The following TMC7 variants were observed in gnomAD, a reference collection of about 807,000 sequenced individuals.
The protein encoded by TMC7 is transmembrane channel-like protein 7.
Under a neutral mutation model 82.9 loss-of-function variants are expected in TMC7, and 54 were observed. The ratio of observed to expected loss-of-function variants is 0.65; its 90% CI spans 0.52 to 0.82. The LOEUF (loss-of-function observed/expected upper bound fraction) is 0.82, where lower values mean the gene tolerates loss of function less well. TMC7 is among the 40% of genes least tolerant of loss of function. TMC7 has a pLI of 0.00. For missense variants in TMC7, 820 were observed against 901.2 expected, an observed-to-expected ratio of 0.91 and a Z score of 1.15; for synonymous variants, 350 against 337.9, an observed-to-expected ratio of 1.04 and a Z score of -0.39.
intron 1 of TMC7, among the ~76,000 whole-genome samples, chr16:18,996,675 G>A (rs577998284): frequency 2.6e-5 from 4 of 152,294 alleles, no homozygotes; most frequent in East Asian, 1.9e-4. Context: ...AGTGAAGGAC[G>A]TTAGTTTAAA....
At position 19,045,016 on chromosome 16, in the gene TMC7, G is replaced by A. The variant is rs369960855; in HGVS notation, c.1455+15G>A. 52 of 1,596,950 alleles carry A rather than the reference G, an allele frequency of 3.3e-5. No homozygotes were observed. The highest frequency in any genetic ancestry group is 1.4e-4 in the South Asian group (13 of 90,762). On this transcript the variant is annotated intron_variant, in intron 10 of 15. Coordinates refer to ENST00000304381, the MANE Select transcript of TMC7 (RefSeq NM_024847.4). The stretch of plus-strand genomic sequence containing the variant: ...AACTCTACCCGGTGAGTTGCGGGGC[G>A]GGGGCGTTCGGCTGGGTGGGTCCTT...
In TMC7 at chr16:19,056,563, TGGGCC is replaced by T; in HGVS notation, c.1895_1899del (p.Gly632ValfsTer73). 6.2e-7 allele frequency: 1 copy of T among 1,614,104 alleles called. No individual in the cohort carries two copies. Among genetic ancestry groups the T allele is most frequent in the South Asian group, 1.1e-5 (1 of 91,072 alleles). On this transcript the variant is annotated frameshift_variant, in exon 14 of 16. Coordinates refer to ENST00000304381, the MANE Select transcript of TMC7 (RefSeq NM_024847.4). LOFTEE classifies it high-confidence loss of function. ...GCAGCATCCCTTCCTCGAAAGCCTGTGGGCCGTTCACCAACTTCAACACCACCTGG... is the reference window on the plus strand; with the variant it reads ...GCAGCATCCCTTCCTCGAAAGCCTGTGTTCACCAACTTCAACACCACCTGG...
intron 6 of TMC7, 121 bp from the exon 7 acceptor site, chr16:19,035,555 C>T: frequency 8.6e-7 from 1 of 1,159,102 alleles, no homozygotes; most frequent in African/African-American, 1.5e-5. Flanking sequence ...CAAACTTGAC[C>T]ATGTCACAAT....
chr16:19,017,338 A>G (rs1022358004), intron 3 of TMC7, among the ~76,000 whole-genome samples: 2 of 149,548 alleles, frequency 1.3e-5, no homozygotes, highest in Non-Finnish European at 3.0e-5. Context: ...TAAATTATTT[A>G]ATAATTTAAT....
At chr16:18,997,528 C>A (rs2039064428) in intron 1 of TMC7, among the ~76,000 whole-genome samples, 1 of 151,948 alleles carries the variant, frequency 6.6e-6, no homozygotes, top group Admixed American at 6.6e-5. Flanking sequence ...CACCACCACA[C>A]CCAGCTAATT....
At chr16:19,022,907 C>T (rs1260631057) in intron 4 of TMC7, among the ~76,000 whole-genome samples, 1 of 152,100 alleles carries the variant, frequency 6.6e-6, no homozygotes, top group Non-Finnish European at 1.5e-5. Context: ...ATGATCCCAG[C>T]TACTTGGGAG....
intron 13 of TMC7, among the ~76,000 whole-genome samples, chr16:19,054,070 T>C (rs1411402666): frequency 1.3e-5 from 2 of 152,136 alleles, no homozygotes; most frequent in Admixed American, 6.6e-5. Context: ...TTAAACAACA[T>C]TTAGGTTGTT....
rs778382209 is a variant in TMC7 at position 19,035,725 on chromosome 16, C to G, written c.907C>G (p.Gln303Glu). The G allele has an allele frequency of 3.7e-6, 6 of 1,613,960 alleles. No homozygotes were observed. In the East Asian group the frequency reaches 1.3e-4, roughly 36 times the overall value. ...INLIRSEEHF[Q>E]SYCNKIFAGW... ...CCTGATTCGGAGTGAGGAGCACTTT[C>G]AGAGTTACTGCAACAAGATATTTGC... Residue 303 changes from glutamine to glutamate, a missense_variant, in exon 7 of 16, where the codon CAG becomes GAG. Gln to Glu is a conservative substitution (Grantham distance 29). This residue lies in a region of TMC7 where 650 missense variants were observed against 669.9 expected (regional missense o/e 0.97). Transcript: ENST00000304381.
At chr16:19,043,792 G>C (rs181482461) in intron 9 of TMC7, among the ~76,000 whole-genome samples, 25 of 152,102 alleles carry the variant, frequency 1.6e-4, no homozygotes, top group African/African-American at 4.6e-4. Flanking sequence ...GGCTGGTTTC[G>C]AACTTCTGAC....
At chr16:19,000,075 G>A (rs12443988) in intron 1 of TMC7, among the ~76,000 whole-genome samples, 70,760 of 151,728 alleles carry the variant, frequency 0.47, 19,106 homozygotes, top group East Asian at 0.76. Context: ...CCACCACGCC[G>A]GGCAGAGTCC....
chr16:18,984,639 T>TGG, intron 1 of TMC7: 1 of 475,454 alleles, frequency 2.1e-6, no homozygotes, highest in Non-Finnish European at 2.8e-6. Context: ...GGGAATAGAA[T>TGG]GGGGCGGGGA....
intron 1 of TMC7, among the ~76,000 whole-genome samples, chr16:19,008,629 AG>A (rs1455711874): frequency 6.6e-6 from 1 of 152,182 alleles, no homozygotes. Context: ...TGTTGGTCCA[AG>A]CAGATCAGGA....
chr16:18,990,913 A>G (rs1218526076), intron 1 of TMC7, among the ~76,000 whole-genome samples: 18 of 152,196 alleles, frequency 1.2e-4, no homozygotes, highest in Admixed American at 1.2e-3. Flanking sequence ...CAGTTGCTTC[A>G]GGCCATCTGG....
At chr16:19,028,439 C>T (rs917646179) in intron 5 of TMC7, among the ~76,000 whole-genome samples, 1 of 152,040 alleles carries the variant, frequency 6.6e-6, no homozygotes, top group African/African-American at 2.4e-5. Flanking sequence ...CCTTACTGTT[C>T]TTCTTCTTCA....
At chr16:19,056,453 T>G in intron 13 of TMC7, 89 bp from the exon 14 acceptor site, 4 of 1,481,226 alleles carry the variant, frequency 2.7e-6, no homozygotes, top group Non-Finnish European at 3.6e-6. Context: ...TGTAGGCCAT[T>G]GTTAACAAAA....
chr16:19,059,620 A>G, intron 15 of TMC7, 126 bp downstream of exon 15: 2 of 1,586,318 alleles, frequency 1.3e-6, no homozygotes, highest in Non-Finnish European at 1.7e-6. Flanking sequence ...CCTCCCCAAA[A>G]CTCTGCCTTG....
Position 19,063,691 on chromosome 16 carries a change from TG to T in TMC7, c.*1849del, listed in dbSNP as rs1962102417. 6.6e-6 allele frequency: 1 copy of T among 152,070 alleles called. No individual in the cohort carries two copies. Among genetic ancestry groups the T allele is most frequent in the Non-Finnish European group, 1.5e-5 (1 of 68,036 alleles). 9.4% of individuals were successfully genotyped at this position (152,070 alleles called of 1,614,324 possible). On this transcript the variant is annotated 3_prime_UTR_variant, in exon 16 of 16. Coordinates refer to ENST00000304381, the MANE Select transcript of TMC7 (RefSeq NM_024847.4). ...TTCTATTTGTGTGTGTGTGTGTGTG[TG>T]TGTGTGATGAACACAACGAAAACGT...
At chr16:19,032,975 G>T (rs1416898205) in intron 6 of TMC7, among the ~76,000 whole-genome samples, 1 of 152,112 alleles carries the variant, frequency 6.6e-6, no homozygotes, top group Non-Finnish European at 1.5e-5. Context: ...TGTGAATCTC[G>T]TTCAAGCTCA....
chr16:19,027,734 C>T (rs931120707), intron 5 of TMC7, among the ~76,000 whole-genome samples: 1 of 151,968 alleles, frequency 6.6e-6, no homozygotes, highest in Non-Finnish European at 1.5e-5. Context: ...TTTTCTTTTC[C>T]AGTTAACACA....
Sources: allele counts gnomAD v4.1 joint callset (sites outside exome capture counted in the v4.1 genomes callset), GRCh38; gene constraint gnomAD v4.1.1; regional missense constraint gnomAD v4.1.1; transcripts MANE v1.5; gene names NCBI Gene and HGNC (gene_info 2026-07-23, HGNC 2026-07-21).